PPP1R36: variants seen among roughly 807,000 people sequenced by gnomAD.
The protein encoded by PPP1R36 is chromosome 14 open reading frame 50.
PPP1R36 carries 47 observed loss-of-function variants against 53.4 expected under a neutral mutation model. The observed-to-expected ratio is 0.88, with a 90% CI of 0.70 to 1.12. The LOEUF (loss-of-function observed/expected upper bound fraction) is 1.12, where lower values mean the gene tolerates loss of function less well. PPP1R36 is among the 50% of genes most tolerant of loss of function. The pLI is 0.00. For synonymous variants in PPP1R36, 153 were observed against 170.5 expected (o/e 0.90, Z 0.80); for missense variants, 456 against 513.9 (o/e 0.89, Z 1.09).
intron 3 of PPP1R36, among the ~76,000 whole-genome samples, chr14:64,558,001 T>TAAAA (rs1555351365): frequency 6.6e-6 from 1 of 151,448 alleles, no homozygotes; most frequent in Non-Finnish European, 1.5e-5. Context: ...AGAAAAAAAA[T>TAAAA]AGAGAAAGAA....
At chr14:64,565,248 C>A (rs894123748) in intron 4 of PPP1R36, 109 bp from the exon 5 acceptor site, 5 of 674,744 alleles carry the variant, frequency 7.4e-6, no homozygotes, top group Non-Finnish European at 1.3e-5. Context: ...CCATGTATGA[C>A]ACTCAGGCTC....
chr14:64,566,264 TCAGAC>T (rs2080255091), intron 6 of PPP1R36, among the ~76,000 whole-genome samples: 2 of 151,332 alleles, frequency 1.3e-5, no homozygotes, highest in Non-Finnish European at 2.9e-5. Flanking sequence ...CAAGACTCTC[TCAGAC>T]CAAAAAAAAA....
chr14:64,574,286 T>C (rs1030052626), intron 7 of PPP1R36, among the ~76,000 whole-genome samples, 169 bp from the exon 8 acceptor site: 1 of 152,122 alleles, frequency 6.6e-6, no homozygotes, highest in Non-Finnish European at 1.5e-5. Flanking sequence ...GCCCTGGAGG[T>C]TGAGGCTGCA....
rs369620598 is a variant in PPP1R36, at chr14:64,556,762, A to ATGTGTGTGTGTGTGTGTG, written c.182+3917_182+3934dup. The stretch of plus-strand genomic sequence containing the variant: ...TAGAGTGAGACCCAATCTCCAAAAA[A>ATGTGTGTGTGTGTGTGTG]TGTGTGTGTGTGTGTGTGTGTGTGT... On this transcript the variant is annotated intron_variant, in intron 3 of 11. Transcript: ENST00000298705. Among the ~76,000 whole-genome samples, 806 of 134,034 alleles carry ATGTGTGTGTGTGTGTGTG rather than the reference A, an allele frequency of 6.0e-3. 13 individuals are homozygous for ATGTGTGTGTGTGTGTGTG. The highest frequency in any genetic ancestry group is 0.043 in the East Asian group (184 of 4,298). The allele number at this position is 134,034 out of a possible 152,430, so 87.9% of individuals were successfully genotyped here.
At chr14:64,579,980 A>C (rs913548415) in intron 8 of PPP1R36, among the ~76,000 whole-genome samples, 3 of 150,764 alleles carry the variant, frequency 2.0e-5, no homozygotes, top group African/African-American at 7.4e-5. Flanking sequence ...AAAAAACAAA[A>C]AAAACAAAAC....
At chr14:64,573,603 A>C (rs960012806) in intron 7 of PPP1R36, among the ~76,000 whole-genome samples, 1 of 152,150 alleles carries the variant, frequency 6.6e-6, no homozygotes, top group African/African-American at 2.4e-5. Context: ...GAGGATACAT[A>C]ACATAATCTA....
chr14:64,574,050 A>G (rs1448485668), intron 7 of PPP1R36, among the ~76,000 whole-genome samples: 1 of 152,092 alleles, frequency 6.6e-6, no homozygotes, highest in Non-Finnish European at 1.5e-5. Context: ...CTCATTGGTA[A>G]GTGAAGTCTG....
intron 6 of PPP1R36, among the ~76,000 whole-genome samples, chr14:64,567,492 A>G (rs973153877): frequency 6.6e-6 from 1 of 152,256 alleles, no homozygotes; most frequent in African/African-American, 2.4e-5. Context: ...GCTACGCAGA[A>G]AAGTGACAAA....
rs10667127 is a variant in PPP1R36, at chr14:64,577,718, C to CTTTTTTTTTT, written c.668+3145_668+3154dup. On this transcript the variant is annotated intron_variant, in intron 8 of 11. Transcript: ENST00000298705. The stretch of plus-strand genomic sequence containing the variant: ...TTTTTAAGCTTTGCTGCCATGATTA[C>CTTTTTTTTTT]TTTTTTTTTTTTTTTTTTTTTTTTT... Among the ~76,000 whole-genome samples, 81 of 94,440 alleles carry CTTTTTTTTTT rather than the reference C, an allele frequency of 8.6e-4. 1 individual carries two copies. The highest frequency in any genetic ancestry group is 1.0e-3 in the Non-Finnish European group (54 of 51,828). 62.0% of individuals were successfully genotyped at this position (94,440 alleles called of 152,430 possible). A position where few individuals can be genotyped will look rare whatever the true frequency, so the allele number is the denominator to read the frequency against.
chr14:64,563,067 T>C (rs555795878), intron 3 of PPP1R36, among the ~76,000 whole-genome samples: 1 of 152,294 alleles, frequency 6.6e-6, no homozygotes, highest in Non-Finnish European at 1.5e-5. Flanking sequence ...GATTTCTCCA[T>C]GTTGGTCAGG....
intron 8 of PPP1R36, among the ~76,000 whole-genome samples, chr14:64,575,340 G>A (rs967246433): frequency 6.6e-6 from 1 of 152,150 alleles, no homozygotes; most frequent in Non-Finnish European, 1.5e-5. Context: ...TTACACAGTT[G>A]TTGGTATATA....
intron 8 of PPP1R36, among the ~76,000 whole-genome samples, chr14:64,580,200 C>T (rs189491401): frequency 0.01 from 1,555 of 152,196 alleles, 11 homozygotes; most frequent in Admixed American, 0.014. Flanking sequence ...ACCTGGGAGG[C>T]TGAGGTGGGA....
At chr14:64,583,811 CAAAAAAAAAA>C (rs529491293) in intron 8 of PPP1R36, among the ~76,000 whole-genome samples, 1 of 30,050 alleles carries the variant, frequency 3.3e-5, no homozygotes, top group African/African-American at 1.2e-4. Flanking sequence ...AACTCCATCT[CAAAAAAAAAA>C]AAAAAAAAAA....
At chr14:64,550,578 A>G (rs372470396) in intron 1 of PPP1R36, among the ~76,000 whole-genome samples, 16 of 152,150 alleles carry the variant, frequency 1.1e-4, no homozygotes, top group African/African-American at 2.9e-4. Flanking sequence ...TGTAGTCCCA[A>G]TTTCCTTCCT....
chr14:64,573,471 G>A (rs558551149), intron 7 of PPP1R36, among the ~76,000 whole-genome samples: 1 of 152,280 alleles, frequency 6.6e-6, no homozygotes, highest in African/African-American at 2.4e-5. Context: ...GAGGTACGTA[G>A]CCTCCACGGT....
At chr14:64,551,054 C>A in intron 2 of PPP1R36, 69 bp downstream of exon 2, 1 of 1,040,100 alleles carries the variant, frequency 9.6e-7, no homozygotes. Context: ...AAAAAAGCAA[C>A]AGAAGAGTAT....
intron 3 of PPP1R36, among the ~76,000 whole-genome samples, chr14:64,555,620 C>T (rs932050153): frequency 6.6e-6 from 1 of 151,984 alleles, no homozygotes; most frequent in Non-Finnish European, 1.5e-5. Flanking sequence ...GTTGAGGGGA[C>T]AGGATTGCTT....
intron 4 of PPP1R36, 98 bp downstream of exon 4, chr14:64,564,935 C>G: frequency 2.5e-6 from 2 of 785,456 alleles, no homozygotes; most frequent in Non-Finnish European, 4.1e-6. Context: ...TCCCATTATT[C>G]TAGGTCGCAA....
intron 7 of PPP1R36, among the ~76,000 whole-genome samples, chr14:64,570,029 G>A (rs559940160): frequency 5.1e-4 from 78 of 152,080 alleles, no homozygotes; most frequent in African/African-American, 1.6e-3. Flanking sequence ...GTGAGTAACC[G>A]TGCCTGGCCT....
Sources: gnomAD v4.1 joint callset for allele counts (sites outside exome capture counted in the v4.1 genomes callset) on GRCh38, gnomAD v4.1.1 for gene constraint, MANE v1.5 for transcripts, NCBI Gene and HGNC (gene_info 2026-07-23, HGNC 2026-07-21) for gene names.